NRG1: variants seen among roughly 807,000 people sequenced by gnomAD.
NRG1 encodes neuregulin 1.
In NRG1, 18 loss-of-function variants were observed where a neutral mutation model predicts 63.8. The observed-to-expected ratio is 0.28, with a 90% CI of 0.19 to 0.42. NRG1 has a LOEUF of 0.42. Ranked by LOEUF, NRG1 falls within the 10% of genes least tolerant of loss-of-function variation. NRG1 has a pLI of 1.00. For missense variants in NRG1, 762 were observed against 814.7 expected (o/e 0.94, Z 0.79); for synonymous variants, 302 against 301.3 (o/e 1.00, Z -0.02).
intron 1 of NRG1, among the ~76,000 whole-genome samples, chr8:32,543,203 C>T (rs1170250950): frequency 6.6e-6 from 1 of 152,120 alleles, no homozygotes; most frequent in East Asian, 1.9e-4. Context: ...ACAGACAATG[C>T]TTTCCATTTC....
chr8:32,182,075 G>T (rs1385636454), intron 1 of NRG1, among the ~76,000 whole-genome samples: 1 of 152,166 alleles, frequency 6.6e-6, no homozygotes, highest in African/African-American at 2.4e-5. Flanking sequence ...AAGTCAGCCA[G>T]CAAGGATCAG....
chr8:32,381,596 A>C (rs566928990), intron 1 of NRG1, among the ~76,000 whole-genome samples: 3 of 152,350 alleles, frequency 2.0e-5, no homozygotes, highest in Admixed American at 1.3e-4. Context: ...GACTGATAAT[A>C]CTGGGGGACC....
intron 1 of NRG1, among the ~76,000 whole-genome samples, chr8:31,923,601 C>T (rs1391566532): frequency 3.3e-5 from 5 of 152,050 alleles, no homozygotes; most frequent in African/African-American, 7.2e-5. Context: ...ATTCTGGAAA[C>T]GTTTAAAATT....
chr8:31,787,174 A>C (rs1820255350), intron 1 of NRG1, among the ~76,000 whole-genome samples: 1 of 152,248 alleles, frequency 6.6e-6, no homozygotes, highest in Non-Finnish European at 1.5e-5. Context: ...CTATTTCAGT[A>C]GTAAGAAAAA....
intron 1 of NRG1, among the ~76,000 whole-genome samples, chr8:32,033,204 C>G (rs1488762630): frequency 6.6e-6 from 1 of 151,144 alleles, no homozygotes; most frequent in Non-Finnish European, 1.5e-5. Context: ...ACACCATTCT[C>G]CTGCCTCAGC....
rs552237699 is a variant in NRG1 at position 32,295,689 on chromosome 8, G to A, written c.38-300139G>A. ...ACTTGGGCTGAGTGCAGTGGCTCAC[G>A]CCTGTAATCCCAGCACTTTGGGAGG... On this transcript the variant is annotated intron_variant, in intron 1 of 10. Coordinates refer to the NRG1 transcript ENST00000519301. Among the ~76,000 whole-genome samples the A allele has an allele frequency of 3.3e-5, 5 of 152,206 alleles. No individual in the cohort carries two copies. In the South Asian group the frequency reaches 1.0e-3, roughly 31 times the overall value.
At chr8:32,234,209 T>C (rs915668751) in intron 1 of NRG1, among the ~76,000 whole-genome samples, 1 of 152,224 alleles carries the variant, frequency 6.6e-6, no homozygotes, top group African/African-American at 2.4e-5. Context: ...CCTACCTTTA[T>C]GTACATTTAC....
chr8:32,333,733 T>C (rs2129477780), intron 1 of NRG1, among the ~76,000 whole-genome samples: 1 of 152,336 alleles, frequency 6.6e-6, no homozygotes, highest in African/African-American at 2.4e-5. Flanking sequence ...TGGAACGTTA[T>C]AAAACCACCT....
chr8:32,456,274 C>A (rs1004596175), intron 1 of NRG1, among the ~76,000 whole-genome samples: 1 of 152,216 alleles, frequency 6.6e-6, no homozygotes, highest in Non-Finnish European at 1.5e-5. Context: ...AAAAATCTCA[C>A]AGTATTTTCT....
At chr8:31,977,124 G>T (rs182775670) in intron 1 of NRG1, among the ~76,000 whole-genome samples, 1 of 152,200 alleles carries the variant, frequency 6.6e-6, no homozygotes, top group South Asian at 2.1e-4. Flanking sequence ...TTGTCATTCC[G>T]CAAACCATCT....
At chr8:32,760,046 G>T (rs898956374) in intron 10 of NRG1, among the ~76,000 whole-genome samples, 154 bp from the exon 11 acceptor site, 1 of 152,184 alleles carries the variant, frequency 6.6e-6, no homozygotes, top group East Asian at 1.9e-4. Context: ...AATTACCTTT[G>T]TGGCGATTCT....
At position 31,868,492 on chromosome 8, in the gene NRG1, A is replaced by G. The variant is rs78751824; in HGVS notation, c.37+229061A>G. Among the ~76,000 whole-genome samples the G allele has an allele frequency of 9.3e-3, 1,421 of 152,228 alleles. 22 individuals are homozygous for G. Among genetic ancestry groups the G allele is most frequent in the African/African-American group, 0.031 (1,307 of 41,544 alleles). On this transcript the variant is annotated intron_variant, in intron 1 of 10. Transcript: ENST00000519301. ...TCATTATCCTGATTTCAGTGGATCT[A>G]TGCCATACTCAAGACCTACATTTGT...
intron 1 of NRG1, among the ~76,000 whole-genome samples, chr8:31,807,614 T>G (rs745532684): frequency 6.6e-6 from 1 of 152,182 alleles, no homozygotes; most frequent in African/African-American, 2.4e-5. Context: ...TGCTACTACC[T>G]TCAATAAATT....
At chr8:32,061,761 A>G (rs12549937) in intron 1 of NRG1, 85,567 of 151,878 alleles carry the variant, frequency 0.56, 27,265 homozygotes, top group Non-Finnish European at 0.71. Flanking sequence ...CATAGTAGGA[A>G]GCTGTTGGCC....
At chr8:31,954,693 T>C (rs767474399) in intron 1 of NRG1, among the ~76,000 whole-genome samples, 2 of 152,206 alleles carry the variant, frequency 1.3e-5, no homozygotes, top group African/African-American at 2.4e-5. Flanking sequence ...GTAGTGAAGA[T>C]TGCTTCTCTC....
chr8:31,974,055 T>G (rs1020117614), intron 1 of NRG1, among the ~76,000 whole-genome samples: 4 of 152,172 alleles, frequency 2.6e-5, no homozygotes, highest in African/African-American at 9.7e-5. Context: ...GCTGAAAAAC[T>G]TAACCTTGAG....
Position 31,796,557 on chromosome 8 carries a change from C to T in NRG1, c.37+157126C>T, listed in dbSNP as rs543865533. 4.7e-5 allele frequency among the ~76,000 whole-genome samples: 7 copies of T among 150,152 alleles called. No homozygotes were observed. The South Asian group carries it at 1.3e-3, about 27-fold the overall frequency. ...ACACCATTCTCCCGCCTTAGCCTCC[C>T]AAGTAGCTGGGACGACAGGCTCCCG... On this transcript the variant is annotated intron_variant, in intron 1 of 10. Transcript: ENST00000519301.
intron 1 of NRG1, among the ~76,000 whole-genome samples, chr8:32,365,337 T>G (rs961270531): frequency 6.6e-6 from 1 of 152,188 alleles, no homozygotes; most frequent in Non-Finnish European, 1.5e-5. Context: ...TTTCCTTTTG[T>G]GTGCTACTTG....
At chr8:32,515,516 C>T (rs1312866547) in intron 1 of NRG1, among the ~76,000 whole-genome samples, 8 of 151,982 alleles carry the variant, frequency 5.3e-5, no homozygotes, top group Non-Finnish European at 1.2e-4. Context: ...GTGTGATCAG[C>T]TCACTGCAGC....
Sources: gnomAD v4.1 joint callset for allele counts (sites outside exome capture counted in the v4.1 genomes callset) on GRCh38, gnomAD v4.1.1 for gene constraint, MANE v1.5 for transcripts, NCBI Gene and HGNC (gene_info 2026-07-23, HGNC 2026-07-21) for gene names.